The following RRM2 variants were observed in gnomAD, a reference collection of about 807,000 sequenced individuals.
RRM2 encodes the protein ribonucleotide reductase regulatory subunit M2, also known as ribonucleoside-diphosphate reductase subunit M2.
RRM2 carries 6 observed loss-of-function variants against 45.9 expected under a neutral mutation model. The observed-to-expected ratio is 0.13, with a 90% CI of 0.07 to 0.26. RRM2 has a LOEUF of 0.26. Among genes scored for constraint, RRM2 ranks in the 10% least tolerant of loss-of-function variants. RRM2 has a pLI of 1.00. For synonymous variants in RRM2, 177 were observed against 173.0 expected (o/e 1.02, Z -0.18); for missense variants, 343 against 489.5 (o/e 0.70, Z 2.82).
intron 3 of RRM2, among the ~76,000 whole-genome samples, chr2:10,159,634 C>T (rs1280737866): frequency 6.6e-6 from 1 of 152,234 alleles, no homozygotes; most frequent in Non-Finnish European, 1.5e-5. Context: ...GTTTAGGCGT[C>T]ACTGGGTTGA....
At chr2:10,140,225 C>T (rs950134327), upstream of RRM2, among the ~76,000 whole-genome samples, 1 of 151,506 alleles carries the variant, frequency 6.6e-6, no homozygotes, top group Non-Finnish European at 1.5e-5. Context: ...CCAGCCTGGG[C>T]GACAGAGCAA....
chr2:10,205,724 C>T lies in RRM2; in HGVS notation n.483-4587C>T, dbSNP rs1043903578. ...TTTATTTTTTTGAGATGGAGTCTTG[C>T]TGTGTCACCCAGGCTGGAGTGCAAT... On this transcript the variant is annotated intron_variant and non_coding_transcript_variant, in intron 3 of 3. Coordinates refer to the RRM2 transcript ENST00000381786. The surrounding 1 kb of genome is among the most constrained non-coding windows in gnomAD (Gnocchi z 4.8). Among the ~76,000 whole-genome samples the T allele has an allele frequency of 6.6e-6, 1 of 151,942 alleles. No homozygotes were observed. The highest frequency in any genetic ancestry group is 1.5e-5 in the Non-Finnish European group (1 of 67,998).
chr2:10,155,074 A>G (rs978115406), intron 3 of RRM2: 4 of 211,592 alleles, frequency 1.9e-5, no homozygotes, highest in Admixed American at 6.0e-5. Context: ...ATTCAAGACC[A>G]TGTTGCTTCC....
At chr2:10,194,019 G>A (rs2125330162) in intron 3 of RRM2, among the ~76,000 whole-genome samples, 1 of 152,292 alleles carries the variant, frequency 6.6e-6, no homozygotes, top group East Asian at 1.9e-4. Flanking sequence ...AACGCTTAAT[G>A]CCAAACATAA....
At position 10,206,918 on chromosome 2, in the gene RRM2, C is replaced by T. The variant is rs1287747237; in HGVS notation, n.483-3393C>T. On this transcript the variant is annotated intron_variant and non_coding_transcript_variant, in intron 3 of 3. Coordinates refer to the RRM2 transcript ENST00000381786. ...TTGAAGGATGAGGGCAAAATAAAGC[C>T]ATTTTCGGATACACAAAAGCTGAGA... Among the ~76,000 whole-genome samples, 5 of 152,154 alleles carry T rather than the reference C, an allele frequency of 3.3e-5. No homozygotes were observed. The South Asian group carries it at 1.0e-3, about 32-fold the overall frequency.
chr2:10,151,289 A>G (rs919758526), intron 3 of RRM2, among the ~76,000 whole-genome samples: 7 of 128,338 alleles, frequency 5.5e-5, no homozygotes, highest in African/African-American at 2.1e-4. Flanking sequence ...GCCAGTCTGC[A>G]TGTAGATTTT....
At chr2:10,151,198 A>G (rs184465959) in intron 3 of RRM2, among the ~76,000 whole-genome samples, 2 of 152,006 alleles carry the variant, frequency 1.3e-5, no homozygotes, top group Admixed American at 1.3e-4. Flanking sequence ...TTGTATGGCT[A>G]TGCCATATTT....
chr2:10,132,002 G>A (rs1662912343), downstream of RRM2, among the ~76,000 whole-genome samples: 1 of 152,196 alleles, frequency 6.6e-6, no homozygotes, highest in African/African-American at 2.4e-5. Flanking sequence ...CCCAGCTGGA[G>A]TTTTGCTCTG....
intron 5 of RRM2, 135 bp from the exon 6 acceptor site, chr2:10,126,740 G>A (rs1420247284): frequency 1.4e-5 from 10 of 690,138 alleles, no homozygotes; most frequent in South Asian, 5.5e-5. Flanking sequence ...ACATTTCGGT[G>A]TGAGTTCTTC....
At chr2:10,187,546 T>C (rs1664194496) in intron 3 of RRM2, among the ~76,000 whole-genome samples, 1 of 152,150 alleles carries the variant, frequency 6.6e-6, no homozygotes, top group African/African-American at 2.4e-5. Flanking sequence ...GGCCTGGGGC[T>C]GGCTCTGTGT....
intron 3 of RRM2, among the ~76,000 whole-genome samples, chr2:10,175,425 C>T (rs1426559793): frequency 3.3e-5 from 5 of 152,136 alleles, no homozygotes; most frequent in Admixed American, 1.3e-4. Context: ...TACAGTTCAA[C>T]GTTATTAAAT....
chr2:10,124,722 G>A lies in RRM2; in HGVS notation c.441G>A (p.Glu147=), dbSNP rs566189274. 1.2e-5 allele frequency: 19 copies of A among 1,611,550 alleles called. No homozygotes were observed. The highest frequency in any genetic ancestry group is 4.5e-4 in the Middle Eastern group (2 of 4,464). ...TTGATGTGTTTTGCCACTAGGTGGAGCGATTTAGCCAAGAAGTTCAGATTA... is the reference window on the plus strand; with the variant it reads ...TTGATGTGTTTTGCCACTAGGTGGAACGATTTAGCCAAGAAGTTCAGATTA... The part of the protein sequence containing the change: ...SDGIVNENLV[E]RFSQEVQITE... The change falls in exon 5 of 10, where the codon GAG becomes GAA. Residue 147 remains glutamate (E), a synonymous_variant. Coordinates refer to ENST00000304567, the MANE Select transcript of RRM2 (RefSeq NM_001034.4).
At chr2:10,151,591 C>T (rs1015234809) in intron 3 of RRM2, among the ~76,000 whole-genome samples, 2 of 152,192 alleles carry the variant, frequency 1.3e-5, no homozygotes, top group African/African-American at 2.4e-5. Flanking sequence ...AGCCACCACA[C>T]CTGGCCACAT....
intron 3 of RRM2, among the ~76,000 whole-genome samples, chr2:10,183,718 C>T (rs2125326375): frequency 6.6e-6 from 1 of 151,694 alleles, no homozygotes; most frequent in South Asian, 2.1e-4. Context: ...GGCATGATGG[C>T]ACGTCCCTGG....
chr2:10,188,650 G>T (rs556472330), intron 3 of RRM2, among the ~76,000 whole-genome samples: 1 of 152,148 alleles, frequency 6.6e-6, no homozygotes, highest in East Asian at 1.9e-4. Context: ...GTCATCATGA[G>T]CCACCTTCCT....
At chr2:10,157,643 CTG>C (rs1345796994) in intron 3 of RRM2, among the ~76,000 whole-genome samples, 5 of 152,184 alleles carry the variant, frequency 3.3e-5, no homozygotes, top group African/African-American at 1.2e-4. Context: ...GCTTGTGAGA[CTG>C]TGTTGCAGGT....
intron 3 of RRM2, among the ~76,000 whole-genome samples, chr2:10,159,756 A>C (rs1275203713): frequency 6.6e-6 from 1 of 152,126 alleles, no homozygotes; most frequent in Non-Finnish European, 1.5e-5. Flanking sequence ...CAACACTCAG[A>C]TCTTTGTTTC....
At chr2:10,173,677 C>T (rs937557269) in intron 3 of RRM2, among the ~76,000 whole-genome samples, 4 of 152,226 alleles carry the variant, frequency 2.6e-5, no homozygotes, top group Non-Finnish European at 4.4e-5. Flanking sequence ...CGGGCACCCC[C>T]GATGCACAGT....
At position 10,205,786 on chromosome 2, in the gene RRM2, G is replaced by A. The variant is rs554413252; in HGVS notation, n.483-4525G>A. Among the ~76,000 whole-genome samples the A allele has an allele frequency of 7.2e-5, 11 of 152,132 alleles. No homozygotes were observed. In the South Asian group the frequency reaches 2.3e-3, roughly 32 times the overall value. On this transcript the variant is annotated intron_variant and non_coding_transcript_variant, in intron 3 of 3. Coordinates refer to the RRM2 transcript ENST00000381786. The surrounding 1 kb of genome is among the most constrained non-coding windows in gnomAD (Gnocchi z 4.8). ...CGCTCACTGCAACCTCTGCCTCCTG[G>A]TTTCAAGTGATTCTCCTGCCTCAGC...
Sources: gnomAD v4.1 joint callset for allele counts (sites outside exome capture counted in the v4.1 genomes callset) on GRCh38, gnomAD v4.1.1 for gene constraint, Gnocchi (gnomAD v3.1) non-coding constraint, MANE v1.5 for transcripts, NCBI Gene and HGNC (gene_info 2026-07-23, HGNC 2026-07-21) for gene names.